Variants in PGM5 observed in about 807,000 individuals in gnomAD.
PGM5 encodes the protein phosphoglucomutase-like protein 5.
A neutral mutation model predicts 59.2 loss-of-function variants in PGM5; 23 were observed. That is an observed-to-expected ratio of 0.39 (90% CI 0.28 to 0.55). The LOEUF (loss-of-function observed/expected upper bound fraction) is 0.55, where lower values mean the gene tolerates loss of function less well. Among genes scored for constraint, PGM5 ranks in the 20% least tolerant of loss-of-function variants. PGM5 has a pLI of 0.66. For synonymous variants in PGM5, 214 were observed against 286.0 expected (o/e 0.75, Z 2.54); for missense variants, 574 against 748.3 (o/e 0.77, Z 2.72).
intron 6 of PGM5, among the ~76,000 whole-genome samples, chr9:68,401,980 T>G (rs1415558214): frequency 2.0e-5 from 3 of 151,912 alleles, no homozygotes; most frequent in Non-Finnish European, 4.4e-5. Flanking sequence ...TGATGAATTT[T>G]GGCTGGGCGC....
intron 2 of PGM5, among the ~76,000 whole-genome samples, chr9:68,380,994 T>C (rs1231945989): frequency 6.6e-6 from 1 of 151,946 alleles, no homozygotes; most frequent in African/African-American, 2.4e-5. Context: ...GGCTGAATTT[T>C]ATCAAACATT....
chr9:68,360,624 T>C (rs1834557586), intron 1 of PGM5, among the ~76,000 whole-genome samples: 1 of 151,648 alleles, frequency 6.6e-6, no homozygotes, highest in Non-Finnish European at 1.5e-5. Context: ...TATAAAACTT[T>C]GAAATTTTCA....
At chr9:68,444,062 C>CTTTTTTTTTTTT (rs71920005) in intron 6 of PGM5, among the ~76,000 whole-genome samples, 1 of 131,628 alleles carries the variant, frequency 7.6e-6, no homozygotes, top group Non-Finnish European at 1.7e-5. Context: ...TTCTTTCTTT[C>CTTTTTTTTTTTT]TTTTTTTTTT....
chr9:68,472,124 C>T (rs1209130342), intron 7 of PGM5, among the ~76,000 whole-genome samples: 2 of 152,108 alleles, frequency 1.3e-5, no homozygotes, highest in African/African-American at 4.8e-5. Flanking sequence ...AGACACAATT[C>T]CTAGTGCCTC....
In PGM5 at chr9:68,510,075, A is replaced by G. The variant is rs1055613282; in HGVS notation, c.1614+10714A>G. On this transcript the variant is annotated intron_variant, in intron 10 of 10. Transcript: ENST00000396396. Reference sequence around the variant, plus strand: ...AAAATTGTTAGGGAGCACCCCAACAAGATTTTGTTTTTTTCACATACCATC... The same window carrying G: ...AAAATTGTTAGGGAGCACCCCAACAGGATTTTGTTTTTTTCACATACCATC... Among the ~76,000 whole-genome samples, 3 of 152,032 alleles carry G rather than the reference A, an allele frequency of 2.0e-5. No homozygotes were observed. The South Asian group carries it at 6.2e-4, about 32-fold the overall frequency.
At chr9:68,368,119 C>T (rs569814048) in intron 1 of PGM5, among the ~76,000 whole-genome samples, 1 of 151,940 alleles carries the variant, frequency 6.6e-6, no homozygotes, top group Non-Finnish European at 1.5e-5. Flanking sequence ...ATAGCCCCCC[C>T]ATAAAGCTTT....
At chr9:68,514,616 C>A (rs1422565428) in intron 10 of PGM5, among the ~76,000 whole-genome samples, 5 of 151,928 alleles carry the variant, frequency 3.3e-5, no homozygotes, top group Admixed American at 1.3e-4. Flanking sequence ...AAAAAACAAG[C>A]AAACAAACAA....
intron 6 of PGM5, among the ~76,000 whole-genome samples, chr9:68,446,301 T>C (rs1475639244): frequency 1.3e-5 from 2 of 152,284 alleles, no homozygotes; most frequent in African/African-American, 2.4e-5. Flanking sequence ...TTGAAATAAC[T>C]ATGCATATTA....
intron 6 of PGM5, among the ~76,000 whole-genome samples, chr9:68,463,907 C>A (rs1049350503): frequency 6.6e-6 from 1 of 152,120 alleles, no homozygotes; most frequent in Non-Finnish European, 1.5e-5. Context: ...CACAACCCCA[C>A]CATAAGTCAT....
chr9:68,448,322 G>A (rs907280010), intron 6 of PGM5, among the ~76,000 whole-genome samples: 99 of 152,132 alleles, frequency 6.5e-4, no homozygotes, highest in African/African-American at 1.7e-4. Context: ...CCAGGTAGCC[G>A]AGTCACCCAG....
chr9:68,464,899 T>C (rs10780955), intron 6 of PGM5, among the ~76,000 whole-genome samples, 194 bp from the exon 7 acceptor site: 6,650 of 152,202 alleles, frequency 0.044, 211 homozygotes, highest in East Asian at 0.087. Context: ...GAAAGCAAAA[T>C]TGAGAACCAT....
chr9:68,438,809 A>G (rs948512185), intron 6 of PGM5, among the ~76,000 whole-genome samples: 1 of 152,176 alleles, frequency 6.6e-6, no homozygotes, highest in Non-Finnish European at 1.5e-5. Flanking sequence ...GAGGAACTTA[A>G]CAGTCAGAGA....
chr9:68,458,889 A>G (rs1554685158), intron 6 of PGM5, among the ~76,000 whole-genome samples: 1 of 152,210 alleles, frequency 6.6e-6, no homozygotes, highest in East Asian at 1.9e-4. Flanking sequence ...CCTCATTCAT[A>G]TATGAACCAG....
intron 6 of PGM5, among the ~76,000 whole-genome samples, chr9:68,457,801 G>A (rs189113608): frequency 2.6e-5 from 4 of 151,554 alleles, no homozygotes; most frequent in Non-Finnish European, 5.9e-5. Context: ...TATTATATAA[G>A]TCATTTTTTT....
intron 6 of PGM5, among the ~76,000 whole-genome samples, chr9:68,424,777 A>G (rs1446114819): frequency 6.6e-6 from 1 of 152,244 alleles, no homozygotes; most frequent in East Asian, 1.9e-4. Context: ...ATATTTGACC[A>G]ATGAACTACC....
At chr9:68,381,316 G>A (rs1394990112) in intron 2 of PGM5, among the ~76,000 whole-genome samples, 78 of 133,020 alleles carry the variant, frequency 5.9e-4, no homozygotes, top group Middle Eastern at 3.7e-3. Context: ...ATTTTAGAAA[G>A]TTCAGCATTC....
chr9:68,394,695 A>G (rs1189787403), intron 6 of PGM5, among the ~76,000 whole-genome samples: 1 of 151,468 alleles, frequency 6.6e-6, no homozygotes, highest in Non-Finnish European at 1.5e-5. Context: ...ATCATAGTTC[A>G]CTGTAACCTT....
At chr9:68,423,909 C>A (rs1298019245) in intron 6 of PGM5, among the ~76,000 whole-genome samples, 2 of 152,096 alleles carry the variant, frequency 1.3e-5, no homozygotes, top group Non-Finnish European at 2.9e-5. Context: ...ACAGAATGTA[C>A]CTAAATGGGG....
In PGM5 at chr9:68,466,078, G is replaced by T. The variant is rs953888274; in HGVS notation, c.1159+870G>T. On this transcript the variant is annotated intron_variant, in intron 7 of 10. Coordinates refer to ENST00000396396, the MANE Select transcript of PGM5 (RefSeq NM_021965.4). ...TCCTTCTGAGGCTCCAATTACACAT[G>T]TGTTAGATAATTTGTGATGACAAAT... 24 of 1,158,248 alleles carry T rather than the reference G, an allele frequency of 2.1e-5. No individual in the cohort carries two copies. The African/African-American group carries it at 3.2e-4, about 16-fold the overall frequency. The allele number at this position is 1,158,248 out of a possible 1,614,324, so 71.7% of individuals were successfully genotyped here.
Sources: allele counts gnomAD v4.1 joint callset (sites outside exome capture counted in the v4.1 genomes callset), GRCh38; gene constraint gnomAD v4.1.1; transcripts MANE v1.5; gene names NCBI Gene and HGNC (gene_info 2026-07-23, HGNC 2026-07-21).